The following ABHD12 variants were observed in gnomAD, a reference collection of about 807,000 sequenced individuals.
The protein encoded by ABHD12 is lysophosphatidylserine lipase ABHD12.
In ABHD12, 43 loss-of-function variants were observed where a neutral mutation model predicts 58.3. The ratio of observed to expected loss-of-function variants is 0.74; its 90% CI spans 0.58 to 0.95. The LOEUF (loss-of-function observed/expected upper bound fraction) is 0.95. Ranked by LOEUF, ABHD12 falls within the 40% of genes least tolerant of loss-of-function variation. ABHD12 has a pLI of 0.00. For missense variants in ABHD12, 539 were observed against 537.2 expected, an observed-to-expected ratio of 1.00 and a Z score of -0.03; for synonymous variants, 219 against 211.2, an observed-to-expected ratio of 1.04 and a Z score of -0.32.
chr20:25,319,979 C>T (rs1045300978), intron 4 of ABHD12, among the ~76,000 whole-genome samples: 4 of 152,248 alleles, frequency 2.6e-5, no homozygotes, highest in Non-Finnish European at 5.9e-5. Flanking sequence ...AACCCTGCTT[C>T]ATGTAAACGT....
intron 1 of ABHD12, among the ~76,000 whole-genome samples, chr20:25,387,761 G>A (rs1482779452): frequency 6.6e-6 from 1 of 151,440 alleles, no homozygotes; most frequent in East Asian, 1.9e-4. Flanking sequence ...AAATATTCCA[G>A]GCCGGGCGCT....
chr20:25,367,215 T>C (rs1295208391), intron 1 of ABHD12, among the ~76,000 whole-genome samples: 3 of 152,214 alleles, frequency 2.0e-5, no homozygotes, highest in Non-Finnish European at 2.9e-5. Context: ...TAATAGGGGA[T>C]AGTGTGTCCA....
At chr20:25,312,782 T>TGCCCCGCC (rs1488148839) in intron 6 of ABHD12, among the ~76,000 whole-genome samples, 1 of 145,454 alleles carries the variant, frequency 6.9e-6, no homozygotes, top group African/African-American at 2.6e-5. Flanking sequence ...GGAGCGCCTC[T>TGCCCCGCC]GCCCCGCCGC....
intron 6 of ABHD12, among the ~76,000 whole-genome samples, chr20:25,312,215 C>T (rs1170065764): frequency 6.6e-6 from 1 of 152,120 alleles, no homozygotes; most frequent in Non-Finnish European, 1.5e-5. Flanking sequence ...TCCACGGTCT[C>T]TCTCTGATGC....
downstream of ABHD12, chr20:25,296,489 G>A: frequency 6.2e-7 from 1 of 1,613,716 alleles, no homozygotes; most frequent in Non-Finnish European, 8.5e-7. Flanking sequence ...CCTCCGACCT[G>A]CAGATCCCGC....
At chr20:25,327,713 A>G (rs1363240599) in intron 2 of ABHD12, among the ~76,000 whole-genome samples, 4 of 152,158 alleles carry the variant, frequency 2.6e-5, no homozygotes, top group African/African-American at 9.7e-5. Flanking sequence ...TAGGACTAAC[A>G]TTTTGGCCAC....
chr20:25,365,622 T>C (rs2089809519), intron 1 of ABHD12, among the ~76,000 whole-genome samples: 1 of 152,238 alleles, frequency 6.6e-6, no homozygotes, highest in Non-Finnish European at 1.5e-5. Flanking sequence ...AGTGCATCTA[T>C]ATTATTAAAA....
chr20:25,371,178 G>A (rs771233438), intron 1 of ABHD12, among the ~76,000 whole-genome samples: 1 of 152,116 alleles, frequency 6.6e-6, no homozygotes, highest in Non-Finnish European at 1.5e-5. Context: ...CACTGGACTG[G>A]TGGTCACGGT....
At chr20:25,296,317 A>C, downstream of ABHD12, 3 of 1,601,850 alleles carry the variant, frequency 1.9e-6, no homozygotes, top group South Asian at 3.3e-5. Flanking sequence ...CCATGTTTTT[A>C]GCAGCCCCAA....
chr20:25,339,677 TCA>T, intron 1 of ABHD12: 2 of 1,383,012 alleles, frequency 1.4e-6, no homozygotes, highest in Non-Finnish European at 1.9e-6. Flanking sequence ...CCACCTGACA[TCA>T]GACCCCAGCT....
In ABHD12 at chr20:25,340,676, ACTG is replaced by A. The variant is rs1245728168; in HGVS notation, c.192-1328_192-1326del. Among the ~76,000 whole-genome samples, 8 of 152,340 alleles carry A rather than the reference ACTG, an allele frequency of 5.3e-5. No homozygotes were observed. The East Asian group carries it at 1.5e-3, about 29-fold the overall frequency. On this transcript the variant is annotated intron_variant, in intron 1 of 12. Coordinates refer to ENST00000339157, the MANE Select transcript of ABHD12 (RefSeq NM_001042472.3). ...AAACAGTCTTAAAACCACATATTGA[ACTG>A]CTGATACAAGCAACAATACAGATGA...
intron 1 of ABHD12, among the ~76,000 whole-genome samples, chr20:25,352,958 G>C (rs901115497): frequency 6.6e-6 from 1 of 152,100 alleles, no homozygotes; most frequent in Non-Finnish European, 1.5e-5. Context: ...TCTGTAGTGA[G>C]CTATGATCAC....
chr20:25,303,438 T>C (rs912474070), intron 11 of ABHD12, 112 bp downstream of exon 11: 4 of 1,540,384 alleles, frequency 2.6e-6, no homozygotes, highest in Admixed American at 3.9e-5. Flanking sequence ...GCGCAGCCCG[T>C]GATGCAGCAT....
chr20:25,319,080 G>A (rs1413191825), intron 4 of ABHD12, among the ~76,000 whole-genome samples: 1 of 152,230 alleles, frequency 6.6e-6, no homozygotes, highest in Non-Finnish European at 1.5e-5. Flanking sequence ...CTCGGCCCTG[G>A]CCCCGCAGCA....
At chr20:25,342,630 G>A (rs947719285) in intron 1 of ABHD12, among the ~76,000 whole-genome samples, 20 of 152,030 alleles carry the variant, frequency 1.3e-4, no homozygotes, top group African/African-American at 3.6e-4. Flanking sequence ...ATGAGGTCTC[G>A]TTCTGTCACC....
At position 25,390,761 on chromosome 20, in the gene ABHD12, C is replaced by T; in HGVS notation, c.-58G>A. The T allele has an allele frequency of 3.4e-6, 2 of 595,200 alleles. No individual in the cohort carries two copies. The highest frequency in any genetic ancestry group is 4.3e-5 in the African/African-American group (2 of 46,372). The allele number at this position is 595,200 out of a possible 1,614,324, so 36.9% of individuals were successfully genotyped here. A position where few individuals can be genotyped will look rare whatever the true frequency, so the allele number is the denominator to read the frequency against. Reference sequence around the variant, plus strand: ...CCCGCTGGCCTGCGCCGCAGTGCCGCCGCTCACAGCCGCCGCCACCCAGAG... The same window carrying T: ...CCCGCTGGCCTGCGCCGCAGTGCCGTCGCTCACAGCCGCCGCCACCCAGAG... On this transcript the variant is annotated 5_prime_UTR_variant, in exon 1 of 13. Coordinates refer to ENST00000339157, the MANE Select transcript of ABHD12 (RefSeq NM_001042472.3).
chr20:25,296,915 T>C, downstream of ABHD12: 1 of 178,994 alleles, frequency 5.6e-6, no homozygotes, highest in South Asian at 1.2e-4. Context: ...CCAGTGGCCA[T>C]AGTGAAGCCT....
chr20:25,337,502 G>T (rs188234231), intron 2 of ABHD12, among the ~76,000 whole-genome samples: 208 of 152,334 alleles, frequency 1.4e-3, no homozygotes, highest in Non-Finnish European at 2.6e-3. Flanking sequence ...AAATCTGTAG[G>T]CTGTGTGTCT....
chr20:25,339,029 A>G, intron 2 of ABHD12, 198 bp downstream of exon 2: 4 of 1,367,776 alleles, frequency 2.9e-6, no homozygotes, highest in Non-Finnish European at 3.8e-6. Context: ...AAAGCATTCT[A>G]GTTCTCAATC....
Sources: gnomAD v4.1 joint callset for allele counts (sites outside exome capture counted in the v4.1 genomes callset) on GRCh38, gnomAD v4.1.1 for gene constraint, MANE v1.5 for transcripts, NCBI Gene and HGNC (gene_info 2026-07-23, HGNC 2026-07-21) for gene names.